The following RBFOX1 variants were observed in gnomAD, a reference collection of about 807,000 sequenced individuals.
RBFOX1 encodes the protein RNA binding protein fox-1 homolog 1.
RBFOX1 carries 8 observed loss-of-function variants against 57.7 expected under a neutral mutation model. The observed-to-expected ratio is 0.14, with a 90% CI of 0.08 to 0.25. RBFOX1 has a LOEUF of 0.25. Among genes scored for constraint, RBFOX1 ranks in the 10% least tolerant of loss-of-function variants. RBFOX1 has a pLI of 1.00. For missense variants in RBFOX1, 611 were observed against 548.5 expected (o/e 1.11, Z -1.14); for synonymous variants, 326 against 222.4 (o/e 1.47, Z -4.15).
intron 3 of RBFOX1, among the ~76,000 whole-genome samples, chr16:5,804,408 C>T (rs1428848977): frequency 2.0e-5 from 3 of 152,092 alleles, no homozygotes; most frequent in Non-Finnish European, 2.9e-5. Flanking sequence ...TCCAGAAGGA[C>T]GTTAGTGAAA....
chr16:7,219,121 G>A (rs906221256), intron 4 of RBFOX1, among the ~76,000 whole-genome samples: 1 of 152,188 alleles, frequency 6.6e-6, no homozygotes, highest in Non-Finnish European at 1.5e-5. Flanking sequence ...AGCTGAGCTG[G>A]CTTTGTGTCA....
chr16:6,848,478 G>A (rs1318076234), intron 3 of RBFOX1, among the ~76,000 whole-genome samples: 6 of 152,072 alleles, frequency 3.9e-5, no homozygotes, highest in Admixed American at 3.9e-4. Context: ...GCCCACCTTA[G>A]ACTGAAGGCA....
At chr16:6,856,090 CCCTTCCCTTCCCTTCCCTTTCTTCCCTTT>C (rs1445807594) in intron 3 of RBFOX1, among the ~76,000 whole-genome samples, 3 of 150,764 alleles carry the variant, frequency 2.0e-5, no homozygotes, top group Non-Finnish European at 3.0e-5. Flanking sequence ...GAAATGAAGA[CCCTTCCCTTCCCTTCCCTTTCTTCCCTTT>C]CCTTCCCTTC....
chr16:5,750,473 T>C (rs1361163406), intron 3 of RBFOX1, among the ~76,000 whole-genome samples: 1 of 152,254 alleles, frequency 6.6e-6, no homozygotes, highest in Non-Finnish European at 1.5e-5. Context: ...AGGTGGAGTC[T>C]ACAGAGGCAG....
At chr16:5,610,416 C>A (rs1388676509) in intron 3 of RBFOX1, 3 of 152,192 alleles carry the variant, frequency 2.0e-5, no homozygotes, top group Non-Finnish European at 4.4e-5. Context: ...AAGGGAACTT[C>A]CCAAGGTCAC....
intron 2 of RBFOX1, among the ~76,000 whole-genome samples, chr16:6,401,894 A>T (rs1269510082): frequency 1.3e-5 from 2 of 151,900 alleles, no homozygotes; most frequent in Non-Finnish European, 2.9e-5. Context: ...GTAATTAGAG[A>T]AGAGAAATTG....
At chr16:7,535,973 A>G (rs1282471427) in intron 5 of RBFOX1, among the ~76,000 whole-genome samples, 1 of 152,224 alleles carries the variant, frequency 6.6e-6, no homozygotes, top group Non-Finnish European at 1.5e-5. Flanking sequence ...ACAAGAGTGA[A>G]TAAGACAGAC....
At chr16:6,976,436 G>A (rs936562415) in intron 3 of RBFOX1, among the ~76,000 whole-genome samples, 2 of 152,030 alleles carry the variant, frequency 1.3e-5, no homozygotes, top group African/African-American at 4.8e-5. Context: ...TACATCTGTG[G>A]CTATTGGTTT....
intron 1 of RBFOX1, among the ~76,000 whole-genome samples, chr16:5,349,322 A>G (rs117429863): frequency 1.3e-5 from 2 of 152,192 alleles, no homozygotes; most frequent in East Asian, 1.9e-4. Flanking sequence ...TGCAAGATGC[A>G]TATGTTGTAA....
At chr16:7,153,462 C>A (rs1200632801) in intron 4 of RBFOX1, among the ~76,000 whole-genome samples, 9 of 152,124 alleles carry the variant, frequency 5.9e-5, no homozygotes, top group Admixed American at 5.2e-4. Context: ...GTTGGCCGGG[C>A]AAGGTGGCTC....
chr16:6,899,732 T>G (rs2067978390), intron 3 of RBFOX1, among the ~76,000 whole-genome samples: 1 of 152,248 alleles, frequency 6.6e-6, no homozygotes, highest in South Asian at 2.1e-4. Context: ...GATGGTTTCA[T>G]CTTGTGCTGT....
chr16:6,772,565 C>A (rs1478829347), intron 3 of RBFOX1, among the ~76,000 whole-genome samples: 1 of 141,092 alleles, frequency 7.1e-6, no homozygotes, highest in African/African-American at 2.7e-5. Context: ...GTGTGGGGTG[C>A]ATTTGTGTGT....
intron 4 of RBFOX1, among the ~76,000 whole-genome samples, chr16:7,218,846 G>A (rs1006295114): frequency 6.6e-6 from 1 of 151,998 alleles, no homozygotes; most frequent in African/African-American, 2.4e-5. Context: ...ACATTTTGGT[G>A]GACTTGCACC....
At chr16:7,418,598 T>G (rs761246185) in intron 4 of RBFOX1, among the ~76,000 whole-genome samples, 2 of 152,216 alleles carry the variant, frequency 1.3e-5, no homozygotes, top group Non-Finnish European at 2.9e-5. Context: ...CCAAACAATA[T>G]TTGGCTGAAC....
chr16:6,854,883 C>T (rs142260875), intron 3 of RBFOX1, among the ~76,000 whole-genome samples: 1,934 of 151,870 alleles, frequency 0.013, 23 homozygotes, highest in Middle Eastern at 0.048. Context: ...CGTGAGCCAC[C>T]GCGCCCAGCC....
intron 1 of RBFOX1, among the ~76,000 whole-genome samples, chr16:5,457,025 C>T (rs980455446): frequency 3.9e-5 from 6 of 152,130 alleles, no homozygotes; most frequent in Non-Finnish European, 8.8e-5. Context: ...CTGGGAATTC[C>T]AAGATTGAGG....
chr16:7,464,504 C>G (rs1336724156), intron 4 of RBFOX1, among the ~76,000 whole-genome samples: 1 of 151,896 alleles, frequency 6.6e-6, no homozygotes, highest in African/African-American at 2.4e-5. Context: ...TTGCCAAGGC[C>G]TATTGGACCT....
At chr16:7,365,316 GTATATCTGA>G (rs1288227532) in intron 4 of RBFOX1, among the ~76,000 whole-genome samples, 1 of 152,192 alleles carries the variant, frequency 6.6e-6, no homozygotes, top group East Asian at 1.9e-4. Flanking sequence ...AGAATGTAGA[GTATATCTGA>G]GACTGAGAAC....
At chr16:5,917,789 A>G (rs375398730) in intron 4 of RBFOX1, among the ~76,000 whole-genome samples, 18 of 152,176 alleles carry the variant, frequency 1.2e-4, no homozygotes, top group Admixed American at 3.9e-4. Context: ...GACCAGAATG[A>G]TCATTATAAA....
Sources: gnomAD v4.1 joint callset for allele counts (sites outside exome capture counted in the v4.1 genomes callset) on GRCh38, gnomAD v4.1.1 for gene constraint, MANE v1.5 for transcripts, NCBI Gene and HGNC (gene_info 2026-07-23, HGNC 2026-07-21) for gene names.